SCTR: variants seen among roughly 807,000 people sequenced by gnomAD.
SCTR encodes the protein pancreatic secretin receptor.
SCTR carries 56 observed loss-of-function variants against 60.8 expected under a neutral mutation model. The observed-to-expected ratio is 0.92, with a 90% CI of 0.74 to 1.15. The LOEUF (loss-of-function observed/expected upper bound fraction) is 1.15, where lower values mean the gene tolerates loss of function less well. Ranked by LOEUF, SCTR falls within the 50% of genes most tolerant of loss-of-function variation. The pLI, the probability that SCTR is intolerant of heterozygous loss-of-function variation, is 0.00. For synonymous variants in SCTR, 202 were observed against 217.0 expected, an observed-to-expected ratio of 0.93 and a Z score of 0.61; for missense variants, 562 against 550.4, an observed-to-expected ratio of 1.02 and a Z score of -0.21.
chr2:119,453,468 C>T, intron 7 of SCTR, 121 bp from the exon 8 acceptor site: 1 of 745,206 alleles, frequency 1.3e-6, no homozygotes, highest in Non-Finnish European at 2.3e-6. Context: ...GATTTGGTTT[C>T]CACAGAAACC....
intron 4 of SCTR, among the ~76,000 whole-genome samples, chr2:119,472,844 A>ATG (rs1242364398): frequency 6.6e-6 from 1 of 152,086 alleles, no homozygotes; most frequent in Non-Finnish European, 1.5e-5. Flanking sequence ...ATGTTTCACT[A>ATG]TGTTGCCCTG....
chr2:119,522,315 A>G (rs1265709353), intron 1 of SCTR, among the ~76,000 whole-genome samples: 1 of 151,816 alleles, frequency 6.6e-6, no homozygotes, highest in Non-Finnish European at 1.5e-5. Context: ...AAAAAAAAAG[A>G]AAAAGAAAAA....
chr2:119,509,622 T>A (rs1316386274), intron 1 of SCTR, among the ~76,000 whole-genome samples: 1 of 152,202 alleles, frequency 6.6e-6, no homozygotes, highest in Non-Finnish European at 1.5e-5. Flanking sequence ...AACTTTTTCT[T>A]CTCATCCAAC....
At chr2:119,469,586 G>A (rs968410567) in intron 4 of SCTR, among the ~76,000 whole-genome samples, 26 of 152,230 alleles carry the variant, frequency 1.7e-4, no homozygotes, top group African/African-American at 6.0e-4. Context: ...AACCTCCCAG[G>A]CTCAAGCAAT....
chr2:119,507,232 C>T (rs1678768995), intron 1 of SCTR, among the ~76,000 whole-genome samples: 1 of 152,116 alleles, frequency 6.6e-6, no homozygotes, highest in Admixed American at 6.6e-5. Context: ...TACAGACTAT[C>T]AACAGTAATA....
chr2:119,448,602 C>G (rs753272151), intron 10 of SCTR, 87 bp downstream of exon 10: 226 of 795,756 alleles, frequency 2.8e-4, no homozygotes, highest in Non-Finnish European at 4.8e-4. Context: ...TCCTCCGTCT[C>G]CAATAGCTAG....
chr2:119,463,659 C>T (rs1683705936), intron 6 of SCTR, among the ~76,000 whole-genome samples: 1 of 152,188 alleles, frequency 6.6e-6, no homozygotes. Context: ...GTCATCTGGG[C>T]ATTTGGAAGG....
intron 4 of SCTR, among the ~76,000 whole-genome samples, chr2:119,468,756 A>G (rs1227357987): frequency 6.6e-6 from 1 of 152,160 alleles, no homozygotes; most frequent in Non-Finnish European, 1.5e-5. Flanking sequence ...TAGGCATGTT[A>G]TTTTAAGAGT....
intron 2 of SCTR, among the ~76,000 whole-genome samples, chr2:119,492,704 A>G (rs1012889936): frequency 6.6e-6 from 1 of 152,072 alleles, no homozygotes; most frequent in Non-Finnish European, 1.5e-5. Flanking sequence ...CCCTCAAGCA[A>G]TCACTTCCCA....
chr2:119,463,988 C>G, intron 6 of SCTR, 135 bp downstream of exon 6: 1 of 903,714 alleles, frequency 1.1e-6, no homozygotes, highest in East Asian at 2.4e-5. Flanking sequence ...TCAGCACTGG[C>G]TGCTTTATCC....
intron 7 of SCTR, among the ~76,000 whole-genome samples, chr2:119,455,087 G>A (rs1045434481): frequency 2.0e-5 from 3 of 151,886 alleles, no homozygotes; most frequent in South Asian, 2.1e-4. Flanking sequence ...TCTAGTGGAC[G>A]TGCTCAAGCT....
chr2:119,513,074 C>T (rs1295285512), intron 1 of SCTR, among the ~76,000 whole-genome samples: 1 of 152,206 alleles, frequency 6.6e-6, no homozygotes. Flanking sequence ...CATAACCAGG[C>T]CAAGAGGGAG....
At position 119,448,821 on chromosome 2, in the gene SCTR, C is replaced by T. The variant is rs757310042; in HGVS notation, c.922-41G>A. On this transcript the variant is annotated intron_variant, in intron 9 of 12. Coordinates refer to ENST00000019103, the MANE Select transcript of SCTR (RefSeq NM_002980.3). ...CAGAGGTGGGGCTGAAGGCATCTTG[C>T]TTTTCCAGCCACCTCTCCTGGCCCT... 2.7e-6 allele frequency: 3 copies of T among 1,121,012 alleles called. No homozygotes were observed. In the African/African-American group the frequency reaches 4.6e-5, roughly 17 times the overall value. The allele number at this position is 1,121,012 out of a possible 1,614,324, so 69.4% of individuals were successfully genotyped here.
chr2:119,467,592 A>G (rs1418053110), intron 4 of SCTR, among the ~76,000 whole-genome samples: 3 of 152,198 alleles, frequency 2.0e-5, no homozygotes, highest in African/African-American at 7.2e-5. Flanking sequence ...CCTTTGAAAT[A>G]TGACCTTTTG....
rs764337321 is a variant in SCTR at position 119,441,586 on chromosome 2, G to A, written c.1154C>T (p.Ala385Val). The change falls in exon 12 of 13, where the codon GCC (alanine) becomes GTC (valine). Residue 385 changes from alanine (A) to valine (V), a missense_variant. Ala to Val is a moderately conservative substitution (Grantham distance 64). Transcript: ENST00000019103. ...ALGSFQGLVV[A>V]VLYCFLNGEV... ...CCCATTGAGGAAGCAGTAGAGGACG[G>A]CCACCACCAGTCCCTGCCAGAAGAA... is the stretch of plus-strand genomic sequence containing the variant. 6.2e-7 allele frequency: 1 copy of A among 1,613,052 alleles called. No homozygotes were observed. Among genetic ancestry groups the A allele is most frequent in the South Asian group, 1.1e-5 (1 of 90,724 alleles).
rs1573771780 is a variant in SCTR at position 119,440,167 on chromosome 2, C to T, written c.1273G>A (p.Ala425Thr). 6.2e-7 allele frequency: 1 copy of T among 1,613,938 alleles called. No homozygotes were observed. The highest frequency in any genetic ancestry group is 1.3e-5 in the African/African-American group (1 of 75,074). Residue 425 changes from alanine (A) to threonine (T), a missense_variant, in exon 13 of 13, where the codon GCC (alanine) becomes ACC (threonine). By Grantham distance (58) the Ala-to-Thr change is moderately conservative. Transcript: ENST00000019103. Reference sequence around the variant, plus strand: ...CCCTGGCTCTGCTCCAAGTGGCTGGCCTTGGTGCTGTTGCTGAAGGAGGCC... The same window carrying T: ...CCCTGGCTCTGCTCCAAGTGGCTGGTCTTGGTGCTGTTGCTGAAGGAGGCC... ...PVASFSNSTK[A>T]SHLEQSQGTC...
intron 7 of SCTR, among the ~76,000 whole-genome samples, chr2:119,460,417 T>C (rs1440247482): frequency 6.8e-6 from 1 of 147,314 alleles, no homozygotes; most frequent in African/African-American, 2.6e-5. Context: ...AGTGGGTGGA[T>C]GTGTGCATGG....
chr2:119,517,091 CAT>C (rs1223365095), intron 1 of SCTR, among the ~76,000 whole-genome samples: 1 of 152,070 alleles, frequency 6.6e-6, no homozygotes, highest in Admixed American at 6.5e-5. Context: ...TGTGAAGAAA[CAT>C]ATGTTAATTT....
At chr2:119,470,284 G>T (rs750756292) in intron 4 of SCTR, among the ~76,000 whole-genome samples, 3 of 151,970 alleles carry the variant, frequency 2.0e-5, no homozygotes, top group Non-Finnish European at 4.4e-5. Context: ...AAAAAGAAAA[G>T]AAGAAAAAAA....
Sources: allele counts gnomAD v4.1 joint callset (sites outside exome capture counted in the v4.1 genomes callset), GRCh38; gene constraint gnomAD v4.1.1; transcripts MANE v1.5; gene names NCBI Gene and HGNC (gene_info 2026-07-23, HGNC 2026-07-21).